The following CCDC138 variants were observed in gnomAD, a reference collection of about 807,000 sequenced individuals.
CCDC138 encodes the protein coiled-coil domain containing 138, also known as coiled-coil domain-containing protein 138.
CCDC138 carries 66 observed loss-of-function variants against 82.3 expected under a neutral mutation model. The ratio of observed to expected loss-of-function variants is 0.80; its 90% CI spans 0.66 to 0.98. The LOEUF is 0.98. Ranked by LOEUF, CCDC138 falls within the 50% of genes least tolerant of loss-of-function variation. The pLI, the probability that CCDC138 is intolerant of heterozygous loss-of-function variation, is 0.00. For synonymous variants in CCDC138, 297 were observed against 265.4 expected, an observed-to-expected ratio of 1.12 and a Z score of -1.16; for missense variants, 816 against 758.9, an observed-to-expected ratio of 1.08 and a Z score of -0.88.
intron 12 of CCDC138, among the ~76,000 whole-genome samples, chr2:108,847,933 C>G (rs969733458): frequency 6.6e-6 from 1 of 152,048 alleles, no homozygotes; most frequent in African/African-American, 2.4e-5. Context: ...AGGTCACTTA[C>G]GAGAAGCAGG....
At position 108,788,856 on chromosome 2, in the gene CCDC138, T is replaced by A. The variant is rs202057509; in HGVS notation, c.156T>A (p.Asp52Glu). ...TGGTTTCTTTGTCGTTGACAGGTGA[T>A]TTGGATATCTACTCTGGAGATAAAG... ...YKRRTLTSPG[D>E]LDIYSGDKVG... is the part of the protein sequence containing the mutation. Residue 52 changes from aspartate to glutamate, a missense_variant, in exon 3 of 15, where the codon GAT becomes GAA. Asp to Glu is a conservative substitution (Grantham distance 45). Transcript: ENST00000295124. 224 of 1,613,916 alleles carry A rather than the reference T, an allele frequency of 1.4e-4. No individual in the cohort carries two copies. Among genetic ancestry groups the A allele is most frequent in the Middle Eastern group, 3.3e-4 (2 of 6,080 alleles).
At chr2:108,790,858 C>T (rs927204173) in intron 3 of CCDC138, among the ~76,000 whole-genome samples, 2 of 152,020 alleles carry the variant, frequency 1.3e-5, no homozygotes, top group African/African-American at 4.8e-5. Flanking sequence ...CTCAAACGAT[C>T]CTCTCACCTC....
At chr2:108,794,977 C>A (rs780583838) in intron 5 of CCDC138, among the ~76,000 whole-genome samples, 2 of 151,682 alleles carry the variant, frequency 1.3e-5, no homozygotes, top group Non-Finnish European at 2.9e-5. Context: ...TGATTTCCAT[C>A]CCATCCTTAC....
chr2:108,812,657 G>A lies in CCDC138; in HGVS notation c.882G>A (p.Arg294=). The change falls in exon 8 of 15, where the codon AGG becomes AGA. Residue 294 remains arginine (R), a synonymous_variant. Coordinates refer to ENST00000295124, the MANE Select transcript of CCDC138 (RefSeq NM_144978.3). ...KQLNEASEEN[R]KIDIQAKRVQ... ...TAAATGAAGCAAGTGAAGAAAACAG[G>A]AAGATAGACATTCAGGCTAAAAGAG... 6.2e-7 allele frequency: 1 copy of A among 1,612,932 alleles called. No individual in the cohort carries two copies.
At chr2:108,866,517 A>T (rs995707689) in intron 13 of CCDC138, among the ~76,000 whole-genome samples, 2 of 152,204 alleles carry the variant, frequency 1.3e-5, no homozygotes, top group African/African-American at 4.8e-5. Context: ...AGGATATTCC[A>T]TGTACAGGTA....
At chr2:108,828,279 GTAAAAA>G (rs1208400358) in intron 10 of CCDC138, among the ~76,000 whole-genome samples, 1 of 151,930 alleles carries the variant, frequency 6.6e-6, no homozygotes, top group Non-Finnish European at 1.5e-5. Context: ...TACACAAATG[GTAAAAA>G]TAACAAAATG....
chr2:108,854,094 A>G (rs1468487772), intron 12 of CCDC138, among the ~76,000 whole-genome samples: 4 of 133,154 alleles, frequency 3.0e-5, no homozygotes, highest in African/African-American at 1.1e-4. Context: ...AATTTATATT[A>G]TATATATAAT....
At chr2:108,822,273 T>TA (rs1432200073) in intron 10 of CCDC138, among the ~76,000 whole-genome samples, 3 of 152,182 alleles carry the variant, frequency 2.0e-5, no homozygotes, top group Non-Finnish European at 4.4e-5. Context: ...GAGAAATATT[T>TA]ATGCCCTGAA....
At chr2:108,820,712 A>AAAGC (rs79891738) in intron 10 of CCDC138, among the ~76,000 whole-genome samples, 1 of 22,606 alleles carries the variant, frequency 4.4e-5, no homozygotes, top group Admixed American at 4.4e-4. Flanking sequence ...AAAAAAAAAA[A>AAAGC]AAACAAACAA....
chr2:108,856,431 T>C (rs906754466), intron 12 of CCDC138, among the ~76,000 whole-genome samples: 1 of 152,232 alleles, frequency 6.6e-6, no homozygotes, highest in Non-Finnish European at 1.5e-5. Flanking sequence ...AGAAAGCTAT[T>C]ATAGAGATAG....
chr2:108,791,592 GTTA>G, intron 3 of CCDC138, 80 bp from the exon 4 acceptor site: 1 of 1,456,860 alleles, frequency 6.9e-7, no homozygotes, highest in Non-Finnish European at 9.6e-7. Flanking sequence ...CAGTTATGCT[GTTA>G]ATATTTGAAA....
At chr2:108,869,532 T>C (rs1171960263) in intron 13 of CCDC138, among the ~76,000 whole-genome samples, 2 of 152,070 alleles carry the variant, frequency 1.3e-5, no homozygotes, top group African/African-American at 4.8e-5. Context: ...GTGGGCACCA[T>C]AGCACATGAA....
intron 11 of CCDC138, among the ~76,000 whole-genome samples, chr2:108,840,622 G>GTATT (rs1431335960): frequency 1.2e-4 from 19 of 152,172 alleles, no homozygotes; most frequent in Non-Finnish European, 8.8e-5. Flanking sequence ...GTTTTTCATA[G>GTATT]TATTCTCTTA....
intron 10 of CCDC138, among the ~76,000 whole-genome samples, chr2:108,826,170 C>A (rs993818035): frequency 2.1e-4 from 32 of 152,134 alleles, no homozygotes; most frequent in African/African-American, 7.5e-4. Flanking sequence ...GTACCTTATC[C>A]AATATGTGAT....
downstream of CCDC138, among the ~76,000 whole-genome samples, chr2:108,877,686 G>T (rs1051892046): frequency 4.6e-5 from 7 of 152,138 alleles, no homozygotes; most frequent in Non-Finnish European, 8.8e-5. Context: ...CTGAAGAAAA[G>T]AACAGAACAA....
chr2:108,807,779 G>A (rs938311254), intron 7 of CCDC138, among the ~76,000 whole-genome samples: 3 of 151,950 alleles, frequency 2.0e-5, no homozygotes, highest in African/African-American at 7.2e-5. Flanking sequence ...CACCACACCT[G>A]GCTAATTTTT....
chr2:108,813,788 C>T (rs1374143630), intron 9 of CCDC138, among the ~76,000 whole-genome samples: 2 of 152,110 alleles, frequency 1.3e-5, no homozygotes, highest in East Asian at 3.9e-4. Context: ...ATACCCTTTC[C>T]TGGTCATTCT....
chr2:108,841,894 G>A (rs1689546438), intron 11 of CCDC138, among the ~76,000 whole-genome samples: 1 of 151,974 alleles, frequency 6.6e-6, no homozygotes, highest in African/African-American at 2.4e-5. Context: ...AGTGTATTGA[G>A]TGTATCTCTT....
chr2:108,862,274 T>C (rs1010166931), intron 13 of CCDC138, among the ~76,000 whole-genome samples: 1 of 152,158 alleles, frequency 6.6e-6, no homozygotes, highest in African/African-American at 2.4e-5. Flanking sequence ...TATCTTACCT[T>C]ACTATATGGG....
Sources: gnomAD v4.1 joint callset for allele counts (sites outside exome capture counted in the v4.1 genomes callset) on GRCh38, gnomAD v4.1.1 for gene constraint, MANE v1.5 for transcripts, NCBI Gene and HGNC (gene_info 2026-07-23, HGNC 2026-07-21) for gene names.